The following NT5C2 variants were observed in gnomAD, a reference collection of about 807,000 sequenced individuals.
NT5C2 encodes 5'-nucleotidase, cytosolic II.
In NT5C2, 58 loss-of-function variants were observed where a neutral mutation model predicts 76.1. That is an observed-to-expected ratio of 0.76 (90% CI 0.62 to 0.95). NT5C2 has a LOEUF of 0.95. Among genes scored for constraint, NT5C2 ranks in the 40% least tolerant of loss-of-function variants. The probability of loss-of-function intolerance (pLI) is 0.00; values close to 1 mark genes in which losing one functional copy is unlikely to be tolerated. For missense variants in NT5C2, 478 were observed against 690.3 expected (o/e 0.69, Z 3.45); for synonymous variants, 229 against 237.4 (o/e 0.96, Z 0.32).
chr10:103,160,729 GC>G (rs1591604933), intron 3 of NT5C2, among the ~76,000 whole-genome samples: 1 of 152,032 alleles, frequency 6.6e-6, no homozygotes, highest in African/African-American at 2.4e-5. Context: ...AATTAAAAAG[GC>G]AGGGCCAGGC....
At chr10:103,096,689 C>CA (rs1590719266) in intron 11 of NT5C2, among the ~76,000 whole-genome samples, 1 of 151,112 alleles carries the variant, frequency 6.6e-6, no homozygotes, top group Non-Finnish European at 1.5e-5. Flanking sequence ...ACTAAAAATA[C>CA]AAAAAAATTA....
intron 3 of NT5C2, among the ~76,000 whole-genome samples, chr10:103,162,741 T>C (rs939117810): frequency 2.0e-5 from 3 of 152,190 alleles, no homozygotes; most frequent in Non-Finnish European, 4.4e-5. Flanking sequence ...AAAAGATTTG[T>C]TCAAGAACAT....
At chr10:103,191,317 G>C (rs976745195) in intron 1 of NT5C2, among the ~76,000 whole-genome samples, 1 of 151,432 alleles carries the variant, frequency 6.6e-6, no homozygotes, top group African/African-American at 2.4e-5. Flanking sequence ...GGGAGGTGGA[G>C]GTTGCAATGA....
At chr10:103,167,817 A>G (rs908831587) in intron 3 of NT5C2, among the ~76,000 whole-genome samples, 16 of 152,030 alleles carry the variant, frequency 1.1e-4, no homozygotes, top group African/African-American at 3.1e-4. Flanking sequence ...TTTTTGGTAA[A>G]GACGGGGTTT....
chr10:103,106,736 G>T, intron 4 of NT5C2, 30 bp from the exon 5 acceptor site: 1 of 1,307,270 alleles, frequency 7.6e-7, no homozygotes, highest in Non-Finnish European at 1.1e-6. Context: ...TCATTAGTTA[G>T]CAGAAAGAAC....
In NT5C2 at chr10:103,101,278, A is replaced by G. The variant is rs763096206; in HGVS notation, c.438T>C (p.Asp146=). 6.2e-7 allele frequency: 1 copy of G among 1,609,948 alleles called. No homozygotes were observed. The highest frequency in any genetic ancestry group is 1.7e-5 in the Admixed American group (1 of 59,966). ...TGTTCAGAATGTAAAATCTTTCAGTATCATCTCGCTGGATAAATTTATTTG... is the reference window on the plus strand; with the variant it reads ...TGTTCAGAATGTAAAATCTTTCAGTGTCATCTCGCTGGATAAATTTATTTG... ...QYPNKFIQRD[D]TERFYILNTL... The change falls in exon 7 of 19, where the codon GAT becomes GAC. Residue 146 remains aspartate (D), a synonymous_variant. Coordinates refer to ENST00000404739, the MANE Select transcript of NT5C2 (RefSeq NM_001351169.2).
chr10:103,135,373 T>C (rs1333803233), intron 4 of NT5C2, among the ~76,000 whole-genome samples: 1 of 152,168 alleles, frequency 6.6e-6, no homozygotes, highest in East Asian at 1.9e-4. Flanking sequence ...AAAAGGGGAA[T>C]TTCCCTGCAC....
intron 3 of NT5C2, among the ~76,000 whole-genome samples, chr10:103,157,544 A>T (rs965518873): frequency 4.6e-5 from 7 of 152,222 alleles, no homozygotes; most frequent in African/African-American, 1.7e-4. Context: ...CATGATTTCT[A>T]CAATACATAT....
intron 3 of NT5C2, among the ~76,000 whole-genome samples, chr10:103,154,442 G>GA (rs1366005470): frequency 1.3e-5 from 2 of 151,874 alleles, no homozygotes; most frequent in South Asian, 2.1e-4. Flanking sequence ...AAATAAAAAA[G>GA]AAAAAACAAA....
At chr10:103,119,748 T>G (rs1014721584) in intron 4 of NT5C2, among the ~76,000 whole-genome samples, 1 of 152,198 alleles carries the variant, frequency 6.6e-6, no homozygotes, top group African/African-American at 2.4e-5. Flanking sequence ...GTTTCATCGT[T>G]CTTTAAGAAG....
At chr10:103,189,814 G>A (rs1355934912) in intron 1 of NT5C2, among the ~76,000 whole-genome samples, 3 of 148,094 alleles carry the variant, frequency 2.0e-5, no homozygotes, top group African/African-American at 5.0e-5. Flanking sequence ...GACTACAGGT[G>A]GGCGCCATCA....
In NT5C2 at chr10:103,094,450, C is replaced by G. The variant is rs1164174214; in HGVS notation, c.819G>C (p.Gly273=). The change falls in exon 13 of 19, where the codon GGG becomes GGC. Residue 273 remains glycine, a synonymous_variant. Coordinates refer to ENST00000404739, the MANE Select transcript of NT5C2 (RefSeq NM_001351169.2). ...AGGACTGCCATGGTCGATGGGAGCT[C>G]CCAGGCTGGTGAAGGAGAAACAGCA... is the stretch of plus-strand genomic sequence containing the variant. ...LFDFPHGPKP[G]SSHRPWQSYF... 8.1e-6 allele frequency: 13 copies of G among 1,604,700 alleles called. No homozygotes were observed. Among genetic ancestry groups the G allele is most frequent in the Middle Eastern group, 1.6e-4 (1 of 6,072 alleles).
intron 3 of NT5C2, among the ~76,000 whole-genome samples, chr10:103,166,195 G>A (rs2086338744): frequency 6.6e-6 from 1 of 152,208 alleles, no homozygotes; most frequent in African/African-American, 2.4e-5. Flanking sequence ...CTGTGTATGT[G>A]TAGATTAATA....
chr10:103,118,201 A>G (rs2074820603), intron 4 of NT5C2, among the ~76,000 whole-genome samples: 1 of 152,220 alleles, frequency 6.6e-6, no homozygotes, highest in African/African-American at 2.4e-5. Flanking sequence ...TAGTCTTTAT[A>G]GTCTATTCAT....
Position 103,108,189 on chromosome 10 carries a change from C to T in NT5C2, c.176-1483G>A, listed in dbSNP as rs117667048. On this transcript the variant is annotated intron_variant, in intron 4 of 18. Coordinates refer to ENST00000404739, the MANE Select transcript of NT5C2 (RefSeq NM_001351169.2). ...AAAGAAAAGAAAAGAAAATGTTGCT[C>T]CTTTAAATAGGTTTCTTCCAAATGA... Among the ~76,000 whole-genome samples the T allele has an allele frequency of 4.0e-3, 613 of 152,158 alleles. 20 individuals are homozygous for T. In the East Asian group the frequency reaches 0.072, roughly 18 times the overall value.
intron 3 of NT5C2, among the ~76,000 whole-genome samples, chr10:103,170,740 T>C (rs539166768): frequency 8.6e-5 from 13 of 152,022 alleles, no homozygotes; most frequent in African/African-American, 3.1e-4. Flanking sequence ...TTGCCCAGGC[T>C]GGTCTCAAAC....
intron 3 of NT5C2, among the ~76,000 whole-genome samples, chr10:103,156,170 A>C (rs573488063): frequency 6.6e-6 from 1 of 152,078 alleles, no homozygotes; most frequent in African/African-American, 2.4e-5. Flanking sequence ...CTTGAAAAAA[A>C]AATTTTTTTG....
At chr10:103,183,260 G>GATA (rs1177155271) in intron 1 of NT5C2, among the ~76,000 whole-genome samples, 3 of 38,796 alleles carry the variant, frequency 7.7e-5, no homozygotes, top group Non-Finnish European at 1.3e-4. Context: ...ATGTGTGTGT[G>GATA]TGATATATAT....
intron 3 of NT5C2, chr10:103,146,596 T>G (rs1037859746): frequency 3.8e-6 from 1 of 260,540 alleles, no homozygotes; most frequent in African/African-American, 2.3e-5. Context: ...GATTTTTTGT[T>G]GAAAACCCAA....
Sources: allele counts gnomAD v4.1 joint callset (sites outside exome capture counted in the v4.1 genomes callset), GRCh38; gene constraint gnomAD v4.1.1; transcripts MANE v1.5; gene names NCBI Gene and HGNC (gene_info 2026-07-23, HGNC 2026-07-21).